Variants in RNF126 observed in about 807,000 individuals in gnomAD.
RNF126 encodes the protein ring finger protein 126.
RNF126 carries 20 observed loss-of-function variants against 41.9 expected under a neutral mutation model. The ratio of observed to expected loss-of-function variants is 0.48; its 90% CI spans 0.34 to 0.69. RNF126 has a LOEUF of 0.69. RNF126 is among the 30% of genes least tolerant of loss of function. The pLI is 0.01. For synonymous variants in RNF126, 239 were observed against 202.9 expected (o/e 1.18, Z -1.51); for missense variants, 433 against 460.6 (o/e 0.94, Z 0.55).
At chr19:661,963 C>T (rs1022499999) in intron 1 of RNF126, among the ~76,000 whole-genome samples, 1 of 152,122 alleles carries the variant, frequency 6.6e-6, no homozygotes, top group African/African-American at 2.4e-5. Flanking sequence ...CTATAAAGCA[C>T]GGGTGGCTCG....
intron 1 of RNF126, among the ~76,000 whole-genome samples, chr19:657,621 C>G (rs1169546483): frequency 6.6e-6 from 1 of 152,228 alleles, no homozygotes; most frequent in Non-Finnish European, 1.5e-5. Context: ...CAAGCCTCTG[C>G]CCTGTCACAG....
intron 2 of RNF126, 46 bp from the exon 3 acceptor site, chr19:652,342 C>T (rs377717043): frequency 2.0e-6 from 3 of 1,482,312 alleles, no homozygotes; most frequent in African/African-American, 1.4e-5. Context: ...CCTGTGCCCC[C>T]ATGCGCCAGG....
chr19:648,529 C>A, intron 7 of RNF126, 42 bp from the exon 8 acceptor site: 1 of 1,466,394 alleles, frequency 6.8e-7, no homozygotes, highest in African/African-American at 1.4e-5. Flanking sequence ...GCGTGGGGGG[C>A]CTGCCGAGCC....
chr19:648,943 T>TG lies in RNF126; in HGVS notation c.608dup (p.Pro204ThrfsTer4). On this transcript the variant is annotated frameshift_variant, in exon 7 of 9. Transcript: ENST00000292363. LOFTEE classifies it high-confidence loss of function. The stretch of plus-strand genomic sequence containing the variant: ...CCTGGATTTTCTCTTTATCTGCCGG[T>TG]GGGGGGCCTGTGTTTTCAAACTGAT... The TG allele has an allele frequency of 1.4e-6, 2 of 1,425,544 alleles. No individual in the cohort carries two copies. Among genetic ancestry groups the TG allele is most frequent in the Non-Finnish European group, 1.8e-6 (2 of 1,088,564 alleles). The allele number at this position is 1,425,544 out of a possible 1,614,324, so 88.3% of individuals were successfully genotyped here.
Position 663,192 on chromosome 19 carries a change from C to A in RNF126, c.-71G>T. 2 of 560,612 alleles carry A rather than the reference C, an allele frequency of 3.6e-6. No homozygotes were observed. The highest frequency in any genetic ancestry group is 4.7e-6 in the Non-Finnish European group (2 of 421,652). 34.7% of individuals were successfully genotyped at this position (560,612 alleles called of 1,614,324 possible). On this transcript the variant is annotated 5_prime_UTR_variant, in exon 1 of 9. Transcript: ENST00000292363. ...CGCCGCCGGCCGTTTGCTGCTCCCT[C>A]GCCGGCCGACGCGCCCGCGCACGCT... is the stretch of plus-strand genomic sequence containing the variant.
At chr19:650,522 A>T in intron 4 of RNF126, 2 of 354,388 alleles carry the variant, frequency 5.6e-6, no homozygotes, top group Non-Finnish European at 1.0e-5. Flanking sequence ...GGCTTAAGCG[A>T]TCCTCCCGCC....
chr19:658,608 C>T (rs1374571742), intron 1 of RNF126, among the ~76,000 whole-genome samples: 1 of 152,204 alleles, frequency 6.6e-6, no homozygotes, highest in African/African-American at 2.4e-5. Flanking sequence ...CCTTTCTTCC[C>T]GCCCTCAGCA....
intron 1 of RNF126, among the ~76,000 whole-genome samples, chr19:657,535 A>G (rs2144772381): frequency 6.6e-6 from 1 of 152,262 alleles, no homozygotes; most frequent in South Asian, 2.1e-4. Flanking sequence ...CACCCACTCC[A>G]GCGTCGGGGC....
chr19:656,254 G>A (rs2030558996), intron 1 of RNF126, among the ~76,000 whole-genome samples: 2 of 152,118 alleles, frequency 1.3e-5, no homozygotes, highest in African/African-American at 4.8e-5. Flanking sequence ...GGAGGCTGAG[G>A]TGCCAGGATC....
chr19:648,942 G>T lies in RNF126; in HGVS notation c.610C>A (p.Pro204Thr). ...GCCTGGATTTTCTCTTTATCTGCCG[G>T]TGGGGGGCCTGTGTTTTCAAACTGA... Reference protein sequence around the residue: ...LNQFENTGPPPADKEKIQALP... With the variant: ...LNQFENTGPPTADKEKIQALP... The change falls in exon 7 of 9, where the codon CCG becomes ACG. Residue 204 changes from proline to threonine, a missense_variant. Coordinates refer to ENST00000292363, the MANE Select transcript of RNF126 (RefSeq NM_194460.3). 1 of 1,427,982 alleles carries T rather than the reference G, an allele frequency of 7.0e-7. No homozygotes were observed. Among genetic ancestry groups the T allele is most frequent in the Non-Finnish European group, 9.2e-7 (1 of 1,089,894 alleles). 88.5% of individuals were successfully genotyped at this position (1,427,982 alleles called of 1,614,324 possible).
chr19:659,766 CTTT>C lies in RNF126; in HGVS notation c.75+3278_75+3280del, dbSNP rs35641190. On this transcript the variant is annotated intron_variant, in intron 1 of 8. Transcript: ENST00000292363. This position sits in a 1 kb window ranked among gnomAD's most constrained non-coding sequence, Gnocchi z 4.9. ...GACACCCAGACACCCTCGTCATCGCCTTTTTTTTTTTTTTTTGGAAGGAGTCTT... is the reference window on the plus strand; with the variant it reads ...GACACCCAGACACCCTCGTCATCGCCTTTTTTTTTTTTTGGAAGGAGTCTT... 2.9e-5 allele frequency among the ~76,000 whole-genome samples: 4 copies of C among 138,836 alleles called. No individual in the cohort carries two copies. The highest frequency in any genetic ancestry group is 6.3e-5 in the Non-Finnish European group (4 of 63,796). The allele number at this position is 138,836 out of a possible 152,430, so 91.1% of individuals were successfully genotyped here.
chr19:651,691 C>G lies in RNF126; in HGVS notation c.363G>C (p.Arg121=). Residue 121 remains arginine, a synonymous_variant, in exon 4 of 9, where the codon CGG becomes CGC. Transcript: ENST00000292363. ...RRERDHPSRH[R]YGARQPRARL... is the part of the protein sequence containing the mutation. The stretch of plus-strand genomic sequence containing the variant: ...GGGCGCGGGGCTGTCGGGCGCCGTA[C>G]CGGTGCCGGGACGGATGGTCTCTCT... 1 of 1,594,214 alleles carries G rather than the reference C, an allele frequency of 6.3e-7. No individual in the cohort carries two copies. The highest frequency in any genetic ancestry group is 8.5e-7 in the Non-Finnish European group (1 of 1,171,682).
At chr19:662,982 GC>G in intron 1 of RNF126, 64 bp downstream of exon 1, 1 of 809,388 alleles carries the variant, frequency 1.2e-6, no homozygotes, top group Admixed American at 4.6e-5. Flanking sequence ...CCCCACCCCG[GC>G]CCCGGCCTTG....
chr19:651,956 C>G, intron 3 of RNF126, 101 bp from the exon 4 acceptor site: 1 of 1,147,094 alleles, frequency 8.7e-7, no homozygotes, highest in Non-Finnish European at 1.2e-6. Flanking sequence ...ACGGGCCCTG[C>G]TGGGTGCCGG....
chr19:656,079 C>G (rs1265842463), intron 1 of RNF126, among the ~76,000 whole-genome samples: 1 of 151,870 alleles, frequency 6.6e-6, no homozygotes, highest in African/African-American at 2.4e-5. Flanking sequence ...GAGGTGGGTT[C>G]TTTTTGCAGC....
At chr19:649,792 G>A in intron 5 of RNF126, 44 bp from the exon 6 acceptor site, 1 of 1,466,970 alleles carries the variant, frequency 6.8e-7, no homozygotes, top group African/African-American at 1.4e-5. Flanking sequence ...GGGCAGCTGG[G>A]GCAGGTGCGT....
At chr19:649,135 A>C in intron 6 of RNF126, 160 bp from the exon 7 acceptor site, 3 of 300,740 alleles carry the variant, frequency 1.0e-5, no homozygotes, top group East Asian at 5.5e-5. Context: ...TGTGGAGCCC[A>C]CGCGGCCCCC....
Position 648,008 on chromosome 19 carries a change from A to T in RNF126, c.*120T>A. The T allele has an allele frequency of 8.2e-7, 1 of 1,212,466 alleles. No individual in the cohort carries two copies. Among genetic ancestry groups the T allele is most frequent in the Non-Finnish European group, 1.1e-6 (1 of 894,828 alleles). 75.1% of individuals were successfully genotyped at this position (1,212,466 alleles called of 1,614,324 possible). A position where few individuals can be genotyped will look rare whatever the true frequency, so the allele number is the denominator to read the frequency against. On this transcript the variant is annotated 3_prime_UTR_variant, in exon 9 of 9. Coordinates refer to ENST00000292363, the MANE Select transcript of RNF126 (RefSeq NM_194460.3). The stretch of plus-strand genomic sequence containing the variant: ...CGGGTCCTGCCCTGGAACAGGCGGG[A>T]CCTGCAGCGCTGACCAGCCAAGCGT...
intron 1 of RNF126, among the ~76,000 whole-genome samples, chr19:653,402 G>A (rs868804900): frequency 2.6e-5 from 4 of 152,248 alleles, no homozygotes; most frequent in Non-Finnish European, 5.9e-5. Context: ...GGCCAACATG[G>A]TGATGTCCCA....
Sources: gnomAD v4.1 joint callset for allele counts (sites outside exome capture counted in the v4.1 genomes callset) on GRCh38, gnomAD v4.1.1 for gene constraint, Gnocchi (gnomAD v3.1) non-coding constraint, MANE v1.5 for transcripts, NCBI Gene and HGNC (gene_info 2026-07-23, HGNC 2026-07-21) for gene names.